The following SOX5 variants were observed in gnomAD, a reference collection of about 807,000 sequenced individuals.
The protein encoded by SOX5 is transcription factor SOX-5.
A neutral mutation model predicts 92.0 loss-of-function variants in SOX5; 9 were observed. That is an observed-to-expected ratio of 0.10 (90% CI 0.06 to 0.17). SOX5 has a LOEUF of 0.17. Among genes scored for constraint, SOX5 ranks in the 10% least tolerant of loss-of-function variants. The probability of loss-of-function intolerance (pLI) is 1.00; values close to 1 mark genes in which losing one functional copy is unlikely to be tolerated. For missense variants in SOX5, 642 were observed against 944.5 expected (o/e 0.68, Z 4.20); for synonymous variants, 344 against 336.3 (o/e 1.02, Z -0.25).
chr12:23,543,459 A>G, intron 12 of SOX5, 75 bp from the exon 13 acceptor site: 2 of 1,149,002 alleles, frequency 1.7e-6, no homozygotes, highest in Non-Finnish European at 1.3e-6. Context: ...CCTATTTTTC[A>G]GTCTATTAAG....
At chr12:24,380,606 C>T (rs1957728442) in intron 1 of SOX5, among the ~76,000 whole-genome samples, 1 of 152,168 alleles carries the variant, frequency 6.6e-6, no homozygotes, top group African/African-American at 2.4e-5. Context: ...CCATTTGGTT[C>T]CAGCACTAGT....
intron 1 of SOX5, among the ~76,000 whole-genome samples, chr12:23,925,952 C>A (rs1243068732): frequency 6.6e-6 from 1 of 151,998 alleles, no homozygotes; most frequent in Non-Finnish European, 1.5e-5. Context: ...CAATCAATAA[C>A]CAATATAACC....
chr12:24,009,801 T>C (rs986107413), intron 4 of SOX5, among the ~76,000 whole-genome samples: 10 of 152,162 alleles, frequency 6.6e-5, no homozygotes, highest in Non-Finnish European at 1.5e-4. Flanking sequence ...AAATCTGTGC[T>C]TGGTCAAAAT....
At chr12:23,737,161 C>T (rs1248738653) in intron 5 of SOX5, among the ~76,000 whole-genome samples, 1 of 152,080 alleles carries the variant, frequency 6.6e-6, no homozygotes, top group Non-Finnish European at 1.5e-5. Flanking sequence ...TTCAACCTCC[C>T]ACGTACTTTC....
intron 1 of SOX5, among the ~76,000 whole-genome samples, chr12:24,518,183 C>A (rs1949965903): frequency 6.6e-6 from 1 of 151,886 alleles, no homozygotes; most frequent in South Asian, 2.1e-4. Flanking sequence ...TTTCTCATGC[C>A]TCAGCCTCCC....
chr12:24,433,849 A>C (rs775206198), intron 1 of SOX5, among the ~76,000 whole-genome samples: 6 of 152,208 alleles, frequency 3.9e-5, no homozygotes, highest in Non-Finnish European at 7.3e-5. Flanking sequence ...GCGGATGAGC[A>C]GGGACAGGTA....
chr12:24,106,750 C>T (rs749046091), intron 4 of SOX5, among the ~76,000 whole-genome samples: 35 of 150,238 alleles, frequency 2.3e-4, no homozygotes, highest in Non-Finnish European at 4.3e-4. Flanking sequence ...CGAGATCGTG[C>T]CACTGCACTC....
rs950706683 is a variant in SOX5, at chr12:24,445,529, C to G, written c.-250-76890G>C. Reference sequence around the variant, plus strand: ...AGTCCAGAATAGGTTAAACAGGTAACGCAAGGAATACATAATTTTATTATA... The same window carrying G: ...AGTCCAGAATAGGTTAAACAGGTAAGGCAAGGAATACATAATTTTATTATA... On this transcript the variant is annotated intron_variant, in intron 1 of 4. Coordinates refer to the SOX5 transcript ENST00000446891. Among the ~76,000 whole-genome samples, 3 of 152,002 alleles carry G rather than the reference C, an allele frequency of 2.0e-5. No individual in the cohort carries two copies. The East Asian group carries it at 5.8e-4, about 29-fold the overall frequency.
rs77013346 is a variant in SOX5 at position 24,030,026 on chromosome 12, G to A, written c.-1-134002C>T. On this transcript the variant is annotated intron_variant, in intron 4 of 4. Coordinates refer to the SOX5 transcript ENST00000446891. ...TGAGGTACGTGTTGTTTTCACCTTC[G>A]TTTTACCGAAGAGAAATTGAAGCAC... Among the ~76,000 whole-genome samples the A allele has an allele frequency of 4.5e-4, 68 of 151,818 alleles. 1 individual carries two copies. In the East Asian group the frequency reaches 0.011, roughly 25 times the overall value.
At chr12:24,406,612 G>A (rs1032560237) in intron 1 of SOX5, among the ~76,000 whole-genome samples, 1 of 152,170 alleles carries the variant, frequency 6.6e-6, no homozygotes, top group South Asian at 2.1e-4. Context: ...GGCCCCAGAT[G>A]GGGGAGGGTA....
At chr12:24,549,451 CA>C (rs2138923620) in intron 1 of SOX5, among the ~76,000 whole-genome samples, 1 of 152,276 alleles carries the variant, frequency 6.6e-6, no homozygotes, top group African/African-American at 2.4e-5. Flanking sequence ...AAATACAGAG[CA>C]AAGTGGATTG....
intron 4 of SOX5, among the ~76,000 whole-genome samples, chr12:24,160,970 T>C (rs1952695549): frequency 6.6e-6 from 1 of 152,064 alleles, no homozygotes; most frequent in South Asian, 2.1e-4. Context: ...TATTTAATGA[T>C]CACAACAACC....
Position 24,253,382 on chromosome 12 carries a change from C to T in SOX5, c.-77+23834G>A, listed in dbSNP as rs78982790. ...TACTAACATAGATACAACATAGGAT[C>T]TTATCTAGAAAATGAAGACTAATCT... is the stretch of plus-strand genomic sequence containing the variant. On this transcript the variant is annotated intron_variant, in intron 3 of 4. Coordinates refer to the SOX5 transcript ENST00000446891. 3.7e-3 allele frequency among the ~76,000 whole-genome samples: 557 copies of T among 150,814 alleles called. 8 individuals carry two copies. The highest frequency in any genetic ancestry group is 0.013 in the African/African-American group (538 of 41,104).
chr12:23,986,962 GA>G (rs1383417787), intron 4 of SOX5, among the ~76,000 whole-genome samples: 15 of 151,930 alleles, frequency 9.9e-5, no homozygotes, highest in Admixed American at 9.9e-4. Flanking sequence ...CACTCTGTTA[GA>G]AAAAAAGAAT....
chr12:23,715,325 T>C (rs990241140), intron 6 of SOX5, among the ~76,000 whole-genome samples: 3 of 118,806 alleles, frequency 2.5e-5, no homozygotes, highest in African/African-American at 1.1e-4. Context: ...AATAAATGCA[T>C]TCTATGATGG....
chr12:24,145,562 T>A (rs1041849985), intron 4 of SOX5, among the ~76,000 whole-genome samples: 2 of 152,172 alleles, frequency 1.3e-5, no homozygotes, highest in African/African-American at 4.8e-5. Context: ...AGTGGAGCAA[T>A]CTCGGCTCAC....
chr12:23,891,486 A>G (rs776228187), intron 2 of SOX5, among the ~76,000 whole-genome samples: 3 of 152,204 alleles, frequency 2.0e-5, no homozygotes, highest in Non-Finnish European at 4.4e-5. Flanking sequence ...ATCACTCAAC[A>G]GTTGTATCTT....
At chr12:24,112,921 T>C (rs183819167) in intron 4 of SOX5, among the ~76,000 whole-genome samples, 10 of 152,038 alleles carry the variant, frequency 6.6e-5, no homozygotes, top group African/African-American at 1.9e-4. Context: ...TTTTTCAATA[T>C]GTGGAAGTTT....
intron 4 of SOX5, among the ~76,000 whole-genome samples, chr12:24,023,369 G>C (rs909308719): frequency 1.3e-5 from 2 of 152,074 alleles, no homozygotes; most frequent in Non-Finnish European, 2.9e-5. Flanking sequence ...GAAACTGGAT[G>C]AATGTTAAAT....
Sources: gnomAD v4.1 joint callset for allele counts (sites outside exome capture counted in the v4.1 genomes callset) on GRCh38, gnomAD v4.1.1 for gene constraint, MANE v1.5 for transcripts, NCBI Gene and HGNC (gene_info 2026-07-23, HGNC 2026-07-21) for gene names.